Variants in FAM110B observed in about 807,000 individuals in gnomAD.
FAM110B encodes the protein protein FAM110B.
A neutral mutation model predicts 20.4 loss-of-function variants in FAM110B; 6 were observed. The ratio of observed to expected loss-of-function variants is 0.29; its 90% CI spans 0.16 to 0.58. FAM110B has a LOEUF of 0.58. Among genes scored for constraint, FAM110B ranks in the 20% least tolerant of loss-of-function variants. The pLI is 0.90. For synonymous variants in FAM110B, 226 were observed against 214.1 expected (o/e 1.06, Z -0.49); for missense variants, 434 against 498.2 (o/e 0.87, Z 1.23).
chr8:58,092,548 G>A (rs147706089), intron 3 of FAM110B, among the ~76,000 whole-genome samples: 122 of 152,176 alleles, frequency 8.0e-4, no homozygotes, highest in African/African-American at 2.6e-3. Context: ...TTCTAGCTTC[G>A]TCCATGTCCC....
In FAM110B at chr8:58,148,219, T is replaced by C. The variant is rs1269481570; in HGVS notation, c.*876T>C. On this transcript the variant is annotated 3_prime_UTR_variant, in exon 4 of 4. Transcript: ENST00000519262. ...AACTACTAATTTCATGCTATTTCTTTCTCTCTCCCTTTGTTGTTATTTGAT... is the reference window on the plus strand; with the variant it reads ...AACTACTAATTTCATGCTATTTCTTCCTCTCTCCCTTTGTTGTTATTTGAT... The C allele has an allele frequency of 6.0e-6, 1 of 166,076 alleles. No homozygotes were observed. Among genetic ancestry groups the C allele is most frequent in the Non-Finnish European group, 1.5e-5 (1 of 67,932 alleles). The allele number at this position is 166,076 out of a possible 1,614,324, so 10.3% of individuals were successfully genotyped here.
chr8:58,095,253 T>C (rs932229404), intron 3 of FAM110B, among the ~76,000 whole-genome samples: 1 of 152,006 alleles, frequency 6.6e-6, no homozygotes, highest in African/African-American at 2.4e-5. Context: ...TTCAGTTCTG[T>C]CTGATCTTAT....
intron 3 of FAM110B, among the ~76,000 whole-genome samples, chr8:58,085,278 C>G (rs181450363): frequency 1.3e-5 from 2 of 152,102 alleles, no homozygotes; most frequent in Middle Eastern, 3.2e-3. Flanking sequence ...TTCAGGAGTC[C>G]GGGGCAGGCA....
chr8:58,020,435 A>G (rs1257040754), intron 1 of FAM110B, among the ~76,000 whole-genome samples: 1 of 152,204 alleles, frequency 6.6e-6, no homozygotes, highest in Non-Finnish European at 1.5e-5. Context: ...TTCATTTCTC[A>G]AGAGTGCAAG....
chr8:58,070,340 A>G (rs1048826633), intron 2 of FAM110B: 1 of 152,244 alleles, frequency 6.6e-6, no homozygotes, highest in Non-Finnish European at 1.5e-5. Context: ...ATCAGCGTTA[A>G]GGACAGCCGG....
chr8:58,010,282 A>G (rs1804505555), intron 1 of FAM110B, among the ~76,000 whole-genome samples: 1 of 149,928 alleles, frequency 6.7e-6, no homozygotes, highest in African/African-American at 2.5e-5. Flanking sequence ...TTGGCCTCCC[A>G]CAGTGCTGGG....
intron 1 of FAM110B, among the ~76,000 whole-genome samples, chr8:57,997,732 C>T (rs1804213863): frequency 6.6e-6 from 1 of 152,174 alleles, no homozygotes; most frequent in Non-Finnish European, 1.5e-5. Context: ...CTATTCAGTA[C>T]AGACACCAAG....
intron 3 of FAM110B, among the ~76,000 whole-genome samples, chr8:58,101,176 C>CAAAAAAAAAAAAA (rs879353022): frequency 8.7e-6 from 1 of 114,314 alleles, no homozygotes. Flanking sequence ...GACTCCGTCT[C>CAAAAAAAAAAAAA]AAAAAAAAAA....
intron 1 of FAM110B, among the ~76,000 whole-genome samples, chr8:58,028,398 G>A (rs948391585): frequency 6.6e-6 from 1 of 152,146 alleles, no homozygotes; most frequent in Admixed American, 6.5e-5. Context: ...GAGCCACTGC[G>A]CCTGGTTAAC....
chr8:58,020,661 G>A (rs892854031), intron 1 of FAM110B, among the ~76,000 whole-genome samples: 9 of 152,238 alleles, frequency 5.9e-5, no homozygotes, highest in African/African-American at 1.9e-4. Flanking sequence ...CATCATCAGA[G>A]TATATGGGCT....
At chr8:58,018,650 C>A (rs1024998221) in intron 1 of FAM110B, among the ~76,000 whole-genome samples, 2 of 152,074 alleles carry the variant, frequency 1.3e-5, no homozygotes, top group African/African-American at 4.8e-5. Flanking sequence ...ATTTTTAAGT[C>A]TATTACCCTA....
At chr8:58,050,541 G>T (rs907809448) in intron 2 of FAM110B, among the ~76,000 whole-genome samples, 1 of 152,170 alleles carries the variant, frequency 6.6e-6, no homozygotes, top group African/African-American at 2.4e-5. Context: ...CCTGGCTGCA[G>T]GCCAAGGACT....
intron 2 of FAM110B, among the ~76,000 whole-genome samples, chr8:58,068,309 A>G (rs1008625080): frequency 6.6e-6 from 1 of 152,180 alleles, no homozygotes; most frequent in Non-Finnish European, 1.5e-5. Context: ...TTAGCCAATT[A>G]TCTCCATCAT....
At chr8:58,042,077 A>G (rs1489940500) in intron 2 of FAM110B, among the ~76,000 whole-genome samples, 2 of 152,240 alleles carry the variant, frequency 1.3e-5, no homozygotes, top group Non-Finnish European at 2.9e-5. Context: ...CTCTGTTTTC[A>G]TAAGACATAG....
chr8:58,107,930 TAG>T (rs1806961435), intron 3 of FAM110B, among the ~76,000 whole-genome samples: 2 of 152,252 alleles, frequency 1.3e-5, no homozygotes, highest in South Asian at 2.1e-4. Context: ...GATTTAAACA[TAG>T]CTCACAGTAA....
At chr8:58,142,023 C>A (rs1053108666) in intron 3 of FAM110B, among the ~76,000 whole-genome samples, 1 of 152,178 alleles carries the variant, frequency 6.6e-6, no homozygotes, top group African/African-American at 2.4e-5. Context: ...AGCTGAGGGT[C>A]CTGTTCACCT....
chr8:58,010,351 A>G (rs1361589563), intron 1 of FAM110B, among the ~76,000 whole-genome samples: 1 of 152,070 alleles, frequency 6.6e-6, no homozygotes, highest in Non-Finnish European at 1.5e-5. Context: ...GGTTGTGTCA[A>G]GAACAGCCTG....
At chr8:58,058,317 G>T (rs1486323546) in intron 2 of FAM110B, among the ~76,000 whole-genome samples, 3 of 136,368 alleles carry the variant, frequency 2.2e-5, no homozygotes, top group African/African-American at 8.6e-5. Flanking sequence ...GTTTAAGAAC[G>T]ATATCAGAGA....
At chr8:58,053,481 A>G (rs907883855) in intron 2 of FAM110B, among the ~76,000 whole-genome samples, 5 of 152,150 alleles carry the variant, frequency 3.3e-5, no homozygotes, top group African/African-American at 1.2e-4. Flanking sequence ...GAGATCAGGA[A>G]CTCAGTTTGA....
Sources: allele counts gnomAD v4.1 joint callset (sites outside exome capture counted in the v4.1 genomes callset), GRCh38; gene constraint gnomAD v4.1.1; transcripts MANE v1.5; gene names NCBI Gene and HGNC (gene_info 2026-07-23, HGNC 2026-07-21).